Variants in LPIN2 observed in about 807,000 individuals in gnomAD.
The protein encoded by LPIN2 is phosphatidate phosphatase LPIN2.
Under a neutral mutation model 111.4 loss-of-function variants are expected in LPIN2, and 55 were observed. The ratio of observed to expected loss-of-function variants is 0.49; its 90% CI spans 0.40 to 0.62. The LOEUF (loss-of-function observed/expected upper bound fraction) is 0.62. Among genes scored for constraint, LPIN2 ranks in the 20% least tolerant of loss-of-function variants. LPIN2 has a pLI of 0.00. For missense variants in LPIN2, 992 were observed against 1,112.1 expected (o/e 0.89, Z 1.54); for synonymous variants, 425 against 414.0 (o/e 1.03, Z -0.32).
At chr18:3,007,455 G>A (rs1482125177) in intron 1 of LPIN2, among the ~76,000 whole-genome samples, 1 of 152,224 alleles carries the variant, frequency 6.6e-6, no homozygotes, top group African/African-American at 2.4e-5. Flanking sequence ...ACAGGCGTAA[G>A]CCACCACACC....
intron 18 of LPIN2, 199 bp from the exon 19 acceptor site, chr18:2,921,080 G>GATAACCAGA: frequency 1.6e-6 from 1 of 629,452 alleles, no homozygotes. Context: ...AGAAAACTTG[G>GATAACCAGA]GCAGCCACCA....
At chr18:2,960,560 T>A (rs955736996) in intron 2 of LPIN2, 89 bp downstream of exon 2, 20 of 1,309,088 alleles carry the variant, frequency 1.5e-5, no homozygotes, top group Admixed American at 8.4e-5. Flanking sequence ...GATTTATTCA[T>A]AGAGGATGAC....
intron 1 of LPIN2, among the ~76,000 whole-genome samples, chr18:2,979,486 A>G (rs1234826599): frequency 6.6e-6 from 1 of 152,214 alleles, no homozygotes; most frequent in African/African-American, 2.4e-5. Context: ...ATTGATTTAC[A>G]TGCATCTACT....
rs143887069 is a variant in LPIN2, at chr18:2,999,015, T to C, written c.-10+14072A>G. Reference sequence around the variant, plus strand: ...TAATCTAAAAATTACTTCCTAAGAGTTTCTTTCTGATCATTAGTGAAGATA... The same window carrying C: ...TAATCTAAAAATTACTTCCTAAGAGCTTCTTTCTGATCATTAGTGAAGATA... On this transcript the variant is annotated intron_variant, in intron 1 of 19. Coordinates refer to ENST00000677752, the MANE Select transcript of LPIN2 (RefSeq NM_001375808.2). 1.7e-3 allele frequency among the ~76,000 whole-genome samples: 251 copies of C among 152,114 alleles called. 2 individuals carry two copies. Among genetic ancestry groups the C allele is most frequent in the African/African-American group, 5.9e-3 (243 of 41,486 alleles).
At chr18:2,981,954 T>C (rs528364555) in intron 1 of LPIN2, among the ~76,000 whole-genome samples, 1 of 152,302 alleles carries the variant, frequency 6.6e-6, no homozygotes, top group East Asian at 1.9e-4. Context: ...AAAATAGTGT[T>C]TCCTTCCTAT....
intron 16 of LPIN2, among the ~76,000 whole-genome samples, chr18:2,922,615 C>T (rs1440955040): frequency 6.6e-6 from 1 of 152,178 alleles, no homozygotes; most frequent in African/African-American, 2.4e-5. Flanking sequence ...AACTTCCTCT[C>T]ATTTACTGTG....
Position 2,988,086 on chromosome 18 carries a change from T to C in LPIN2, c.-10+25001A>G, listed in dbSNP as rs79925192. Among the ~76,000 whole-genome samples the C allele has an allele frequency of 6.2e-3, 918 of 147,248 alleles. 6 individuals are homozygous for C. The highest frequency in any genetic ancestry group is 0.022 in the African/African-American group (856 of 39,420). ...CAGGCCAGATGGGTAACAGTATAAA[T>C]TACTTATCTGTAGCCTTAAATGGGT... On this transcript the variant is annotated intron_variant, in intron 1 of 19. Transcript: ENST00000677752.
intron 15 of LPIN2, 123 bp downstream of exon 15, chr18:2,924,275 G>T: frequency 8.1e-7 from 1 of 1,228,010 alleles, no homozygotes; most frequent in Non-Finnish European, 1.2e-6. Flanking sequence ...CAGAGCATAT[G>T]GCTTATAAAA....
intron 1 of LPIN2, among the ~76,000 whole-genome samples, chr18:2,984,418 C>T (rs1171071633): frequency 6.6e-6 from 1 of 152,110 alleles, no homozygotes; most frequent in Non-Finnish European, 1.5e-5. Context: ...AAATTTAAAT[C>T]TCTTCATCCA....
chr18:3,006,750 T>C (rs142322120), intron 1 of LPIN2, among the ~76,000 whole-genome samples: 6,249 of 151,414 alleles, frequency 0.041, 404 homozygotes, highest in African/African-American at 0.14. Context: ...GGCAGGAGAA[T>C]GGCATGAACC....
At chr18:2,984,597 G>C (rs1014751811) in intron 1 of LPIN2, among the ~76,000 whole-genome samples, 3 of 151,970 alleles carry the variant, frequency 2.0e-5, no homozygotes, top group Non-Finnish European at 4.4e-5. Context: ...AAAAAGAAAA[G>C]TTAGAGGGGC....
intron 17 of LPIN2, 68 bp downstream of exon 17, chr18:2,921,979 C>A: frequency 6.5e-7 from 1 of 1,540,106 alleles, no homozygotes; most frequent in East Asian, 2.3e-5. Flanking sequence ...CACACATCCC[C>A]CCACCTTGGG....
rs1221029633 is a variant in LPIN2 at position 2,947,477 on chromosome 18, C to T, written c.590+3578G>A. Among the ~76,000 whole-genome samples the T allele has an allele frequency of 3.9e-5, 6 of 152,068 alleles. 1 individual carries two copies. Among genetic ancestry groups the T allele is most frequent in the African/African-American group, 1.2e-4 (5 of 41,410 alleles). On this transcript the variant is annotated intron_variant, in intron 4 of 19. Coordinates refer to ENST00000677752, the MANE Select transcript of LPIN2 (RefSeq NM_001375808.2). ...CTTACTAGGTACAGTTTTTTAAAGC[C>T]GTGTATAGTTTAAAGCTCTCCGATT... is the stretch of plus-strand genomic sequence containing the variant.
intron 6 of LPIN2, among the ~76,000 whole-genome samples, chr18:2,938,367 T>C (rs561892413): frequency 1.3e-5 from 2 of 152,142 alleles, no homozygotes; most frequent in African/African-American, 4.8e-5. Flanking sequence ...CTACTAAAAA[T>C]ACAAAAATTA....
chr18:2,928,734 GGGAGGGA>G, intron 10 of LPIN2, 74 bp from the exon 11 acceptor site: 1 of 1,086,406 alleles, frequency 9.2e-7, no homozygotes, highest in Admixed American at 1.8e-5. Flanking sequence ...GAATCAGGGA[GGGAGGGA>G]GGAGGGAAGT....
intron 1 of LPIN2, among the ~76,000 whole-genome samples, chr18:2,965,246 A>C (rs1023337361): frequency 7.2e-5 from 11 of 152,240 alleles, no homozygotes; most frequent in Admixed American, 6.5e-4. Flanking sequence ...TCCTTCATGC[A>C]TAAAATTTGA....
intron 1 of LPIN2, among the ~76,000 whole-genome samples, chr18:3,001,323 CCTATCAGAAA>C (rs2143473942): frequency 6.6e-6 from 1 of 152,216 alleles, no homozygotes; most frequent in East Asian, 1.9e-4. Flanking sequence ...GTTCTGTAGT[CCTATCAGAAA>C]CTGGGGGCCT....
intron 16 of LPIN2, among the ~76,000 whole-genome samples, chr18:2,922,980 G>A (rs1340560652): frequency 1.3e-5 from 2 of 152,188 alleles, no homozygotes; most frequent in Non-Finnish European, 2.9e-5. Flanking sequence ...TGAAGACACT[G>A]AGATTCTTCA....
intron 16 of LPIN2, 62 bp downstream of exon 16, chr18:2,923,713 C>A: frequency 7.4e-7 from 1 of 1,349,384 alleles, no homozygotes; most frequent in Non-Finnish European, 1.1e-6. Context: ...CACCATTGTT[C>A]TATAGTTCTT....
Sources: gnomAD v4.1 joint callset for allele counts (sites outside exome capture counted in the v4.1 genomes callset) on GRCh38, gnomAD v4.1.1 for gene constraint, MANE v1.5 for transcripts, NCBI Gene and HGNC (gene_info 2026-07-23, HGNC 2026-07-21) for gene names.